Variants in UBE3A observed in about 807,000 individuals in gnomAD.
UBE3A encodes the protein ubiquitin protein ligase E3A.
UBE3A carries 6 observed loss-of-function variants against 83.4 expected under a neutral mutation model. The observed-to-expected ratio is 0.07, with a 90% CI of 0.04 to 0.14. The LOEUF (loss-of-function observed/expected upper bound fraction) is 0.14, where lower values mean the gene tolerates loss of function less well. Ranked by LOEUF, UBE3A falls within the 10% of genes least tolerant of loss-of-function variation. The pLI is 1.00. For synonymous variants in UBE3A, 337 were observed against 355.4 expected, an observed-to-expected ratio of 0.95 and a Z score of 0.58; for missense variants, 456 against 1,036.1, an observed-to-expected ratio of 0.44 and a Z score of 7.69.
chr15:25,368,894 C>T lies in UBE3A; in HGVS notation c.1608+1672G>A, dbSNP rs145005854. On this transcript the variant is annotated intron_variant, in intron 6 of 12. Coordinates refer to ENST00000648336, the MANE Select transcript of UBE3A (RefSeq NM_130839.5). ...GCGAAAGACAGATAAGGAAGGTAGA[C>T]AATTTTTTGAACCCTGGAATGATTC... Among the ~76,000 whole-genome samples the T allele has an allele frequency of 7.2e-3, 1,093 of 152,186 alleles. 13 individuals are homozygous for T. Among genetic ancestry groups the T allele is most frequent in the African/African-American group, 0.025 (1,040 of 41,540 alleles).
At chr15:25,434,292 G>A (rs986166344) in intron 1 of UBE3A, among the ~76,000 whole-genome samples, 2 of 152,086 alleles carry the variant, frequency 1.3e-5, no homozygotes, top group East Asian at 1.9e-4. Flanking sequence ...TAAAAAAAAG[G>A]ACTTGGCCAG....
At chr15:25,377,669 C>T (rs907760459) in intron 4 of UBE3A, among the ~76,000 whole-genome samples, 2 of 151,910 alleles carry the variant, frequency 1.3e-5, no homozygotes, top group Non-Finnish European at 2.9e-5. Flanking sequence ...GAACATGTAT[C>T]GAAAGTCTTA....
intron 6 of UBE3A, among the ~76,000 whole-genome samples, chr15:25,363,781 A>G (rs2078531686): frequency 6.6e-6 from 1 of 152,162 alleles, no homozygotes. Context: ...ATAAATATGT[A>G]AAAAGAATAA....
At chr15:25,405,762 G>T (rs1279067808) in intron 3 of UBE3A, among the ~76,000 whole-genome samples, 4 of 152,082 alleles carry the variant, frequency 2.6e-5, no homozygotes, top group African/African-American at 9.7e-5. Context: ...GATACCAACA[G>T]ACAAGCCATT....
intron 11 of UBE3A, among the ~76,000 whole-genome samples, chr15:25,347,642 G>A (rs1211317962): frequency 1.3e-5 from 2 of 152,200 alleles, no homozygotes; most frequent in Non-Finnish European, 2.9e-5. Context: ...CGATGTTGCA[G>A]TGAGCTGAGA....
chr15:25,384,247 C>T (rs1221733878), intron 4 of UBE3A, among the ~76,000 whole-genome samples: 1 of 151,998 alleles, frequency 6.6e-6, no homozygotes, highest in African/African-American at 2.4e-5. Context: ...ATCACGAGGT[C>T]AAGAGATTGA....
chr15:25,399,002 C>T (rs1347452338), intron 4 of UBE3A, among the ~76,000 whole-genome samples: 2 of 151,172 alleles, frequency 1.3e-5, no homozygotes, highest in African/African-American at 4.9e-5. Flanking sequence ...ATTTGTATGT[C>T]TTATTTTGAG....
intron 1 of UBE3A, among the ~76,000 whole-genome samples, chr15:25,435,545 T>C (rs1471730433): frequency 6.6e-6 from 1 of 152,092 alleles, no homozygotes; most frequent in Non-Finnish European, 1.5e-5. Context: ...AATGCCTCTA[T>C]AAAAGAGGCC....
chr15:25,422,733 G>C (rs1413400030), intron 1 of UBE3A, among the ~76,000 whole-genome samples: 1 of 151,244 alleles, frequency 6.6e-6, no homozygotes, highest in Admixed American at 6.6e-5. Context: ...CCAGCACTTT[G>C]GGAGGCTGAG....
Position 25,409,076 on chromosome 15 carries a change from A to G in UBE3A, c.20+12T>C. 6.3e-7 allele frequency: 1 copy of G among 1,585,036 alleles called. No individual in the cohort carries two copies. The highest frequency in any genetic ancestry group is 2.2e-4 in the Middle Eastern group (1 of 4,634). On this transcript the variant is annotated intron_variant, in intron 3 of 12. Transcript: ENST00000648336. ...ACAGCCTTTTAAAGGCTGTAAAATA[A>G]TTCAAAATTACCTTTTACAAGCTGT...
chr15:25,382,760 A>C (rs1244444973), intron 4 of UBE3A, among the ~76,000 whole-genome samples: 1 of 152,150 alleles, frequency 6.6e-6, no homozygotes, highest in Non-Finnish European at 1.5e-5. Flanking sequence ...GGAAATTAGA[A>C]AGGCGATACA....
intron 1 of UBE3A, chr15:25,413,075 A>C (rs1355914527): frequency 2.3e-6 from 1 of 433,738 alleles, no homozygotes; most frequent in Non-Finnish European, 4.6e-6. Context: ...ACACATAATC[A>C]TGGAGGAAAT....
Position 25,337,750 on chromosome 15 carries a change from G to C in UBE3A, c.*1387C>G, listed in dbSNP as rs1276012987. ...CATTAGCTATAGCTTGTAGCAAAAG[G>C]ATATATCAATGTCTCACCTTAGTTA... On this transcript the variant is annotated 3_prime_UTR_variant, in exon 13 of 13. Transcript: ENST00000648336. The C allele has an allele frequency of 1.3e-5, 2 of 151,848 alleles. No individual in the cohort carries two copies. The highest frequency in any genetic ancestry group is 2.9e-5 in the Non-Finnish European group (2 of 67,948). 9.4% of individuals were successfully genotyped at this position (151,848 alleles called of 1,614,324 possible).
chr15:25,352,592 C>CTG (rs1468535348), intron 11 of UBE3A, among the ~76,000 whole-genome samples: 1 of 152,176 alleles, frequency 6.6e-6, no homozygotes, highest in Non-Finnish European at 1.5e-5. Flanking sequence ...GCTGGTAGAC[C>CTG]TGCTTGATGC....
intron 6 of UBE3A, 67 bp from the exon 7 acceptor site, chr15:25,360,594 A>C: frequency 6.4e-7 from 1 of 1,554,048 alleles, no homozygotes; most frequent in Non-Finnish European, 8.8e-7. Context: ...ACAAAATAAA[A>C]ACAAGGAGTA....
Position 25,356,973 on chromosome 15 carries a change from AAAAT to A in UBE3A, c.1754-81_1754-78del, listed in dbSNP as rs550765868. The A allele has an allele frequency of 3.8e-4, 473 of 1,242,316 alleles. 10 individuals are homozygous for A. The South Asian group carries it at 5.6e-3, about 15-fold the overall frequency. The allele number at this position is 1,242,316 out of a possible 1,614,324, so 77.0% of individuals were successfully genotyped here. On this transcript the variant is annotated intron_variant, in intron 7 of 12. Transcript: ENST00000648336. ...TGATGAATAATACAAATATAAACTT[AAAAT>A]AATTATGCATATAAAACATTTAAAA...
intron 11 of UBE3A, among the ~76,000 whole-genome samples, chr15:25,349,681 A>G (rs552525789): frequency 2.0e-5 from 3 of 152,288 alleles, no homozygotes; most frequent in African/African-American, 4.8e-5. Flanking sequence ...CAACCTCAAC[A>G]TATGATTTTT....
chr15:25,405,537 A>G (rs919235969), intron 3 of UBE3A, 35 bp from the exon 4 acceptor site: 2 of 1,606,800 alleles, frequency 1.2e-6, no homozygotes, highest in Non-Finnish European at 1.7e-6. Flanking sequence ...TTAGCAAAAT[A>G]TTCCATATTC....
At chr15:25,350,199 A>G (rs28615091) in intron 11 of UBE3A, among the ~76,000 whole-genome samples, 9,458 of 151,984 alleles carry the variant, frequency 0.062, 732 homozygotes, top group African/African-American at 0.18. Context: ...TACTCAGAGG[A>G]CTGAGGTAAG....
Sources: gnomAD v4.1 joint callset for allele counts (sites outside exome capture counted in the v4.1 genomes callset) on GRCh38, gnomAD v4.1.1 for gene constraint, MANE v1.5 for transcripts, NCBI Gene and HGNC (gene_info 2026-07-23, HGNC 2026-07-21) for gene names.